The following ACCSL variants were observed in gnomAD, a reference collection of about 807,000 sequenced individuals.
The protein encoded by ACCSL is probable inactive 1-aminocyclopropane-1-carboxylate synthase-like protein 2.
Under a neutral mutation model 61.7 loss-of-function variants are expected in ACCSL, and 55 were observed. The ratio of observed to expected loss-of-function variants is 0.89; its 90% CI spans 0.72 to 1.12. The LOEUF (loss-of-function observed/expected upper bound fraction) is 1.12, where lower values mean the gene tolerates loss of function less well. ACCSL is among the 50% of genes most tolerant of loss of function. The pLI is 0.00. For synonymous variants in ACCSL, 258 were observed against 264.3 expected, an observed-to-expected ratio of 0.98 and a Z score of 0.23; for missense variants, 632 against 698.0, an observed-to-expected ratio of 0.91 and a Z score of 1.07.
the ACCSL span, among the ~76,000 whole-genome samples, chr11:44,013,617 T>C: frequency 6.6e-6 from 1 of 152,232 alleles, no homozygotes; most frequent in African/African-American, 2.4e-5. Flanking sequence ...AATGGTTTTC[T>C]CTGTAAGACA....
At chr11:43,994,775 A>ATGG in the ACCSL span, among the ~76,000 whole-genome samples, 13 of 151,880 alleles carry the variant, frequency 8.6e-5, no homozygotes, top group Non-Finnish European at 1.8e-4. Flanking sequence ...TGGGACTACA[A>ATGG]TGCGCGTGCC....
At chr11:43,965,310 A>G in the ACCSL span, among the ~76,000 whole-genome samples, 1 of 152,252 alleles carries the variant, frequency 6.6e-6, no homozygotes, top group East Asian at 1.9e-4. Flanking sequence ...ATAACAATGA[A>G]CAATCTGAAA....
At chr11:43,978,800 T>A in the ACCSL span, among the ~76,000 whole-genome samples, 1 of 147,662 alleles carries the variant, frequency 6.8e-6, no homozygotes, top group Admixed American at 6.7e-5. Flanking sequence ...TTTTTTTTTT[T>A]TTTTTTTTTT....
At chr11:43,972,722 A>G in the ACCSL span, among the ~76,000 whole-genome samples, 2 of 152,192 alleles carry the variant, frequency 1.3e-5, no homozygotes, top group African/African-American at 4.8e-5. Context: ...ATGTTTACCA[A>G]TAAGGCCAAG....
the ACCSL span, among the ~76,000 whole-genome samples, chr11:43,984,901 G>A: frequency 3.3e-5 from 5 of 152,236 alleles, no homozygotes; most frequent in Non-Finnish European, 5.9e-5. Flanking sequence ...GGGGCTCTTC[G>A]AGGCCACCAG....
At chr11:43,966,297 A>C in the ACCSL span, among the ~76,000 whole-genome samples, 1 of 152,002 alleles carries the variant, frequency 6.6e-6, no homozygotes, top group South Asian at 2.1e-4. Context: ...ATAGTGGTGC[A>C]TGCCTGTAAT....
Position 44,056,299 on chromosome 11 carries a change from A to G in ACCSL, c.1300A>G (p.Lys434Glu), listed in dbSNP as rs1952671380. 5 of 1,614,120 alleles carry G rather than the reference A, an allele frequency of 3.1e-6. No homozygotes were observed. Among genetic ancestry groups the G allele is most frequent in the Non-Finnish European group, 4.2e-6 (5 of 1,180,002 alleles). Residue 434 changes from lysine to glutamate, a missense_variant, in exon 11 of 14, where the codon AAG (lysine) becomes GAG (glutamate). Coordinates refer to ENST00000378832, the MANE Select transcript of ACCSL (RefSeq NM_001031854.2). Reference sequence around the variant, plus strand: ...CAGTATTTCTGGCATCACCCAGCACAAGCTGTGTCAACTGCTCCAGAACAC... The same window carrying G: ...CAGTATTTCTGGCATCACCCAGCACGAGCTGTGTCAACTGCTCCAGAACAC... ...LHSISGITQH[K>E]LCQLLQNTEW...
chr11:44,046,785 G>A (rs904538132), upstream of ACCSL, among the ~76,000 whole-genome samples: 1 of 152,138 alleles, frequency 6.6e-6, no homozygotes, highest in Admixed American at 6.5e-5. Flanking sequence ...TGGGATATAA[G>A]GATTGTCTTA....
At chr11:43,968,282 G>A in the ACCSL span, among the ~76,000 whole-genome samples, 2 of 152,146 alleles carry the variant, frequency 1.3e-5, no homozygotes, top group East Asian at 3.9e-4. Context: ...TTTGAAATCA[G>A]CCACTCCCAA....
At chr11:44,009,065 C>T in the ACCSL span, among the ~76,000 whole-genome samples, 1 of 151,928 alleles carries the variant, frequency 6.6e-6, no homozygotes, top group Non-Finnish European at 1.5e-5. Context: ...CTACCCGGGA[C>T]GCTGAGGTGG....
chr11:44,037,433 A>G, the ACCSL span, among the ~76,000 whole-genome samples: 1 of 152,336 alleles, frequency 6.6e-6, no homozygotes, highest in Admixed American at 6.5e-5. Context: ...GCACGCGCGG[A>G]TGGCGCACTG....
chr11:43,995,468 T>G, the ACCSL span: 1 of 152,254 alleles, frequency 6.6e-6, no homozygotes, highest in Non-Finnish European at 1.5e-5. Flanking sequence ...CTCATGGAAT[T>G]GACTTTCCAG....
the ACCSL span, among the ~76,000 whole-genome samples, chr11:43,959,305 T>A: frequency 6.6e-6 from 1 of 152,162 alleles, no homozygotes; most frequent in Non-Finnish European, 1.5e-5. Context: ...ATCCATGGCC[T>A]GACGTTGACC....
the ACCSL span, among the ~76,000 whole-genome samples, chr11:44,018,419 A>G: frequency 7.4e-4 from 113 of 152,294 alleles, no homozygotes; most frequent in Non-Finnish European, 1.2e-3. Context: ...CTCCTGACCC[A>G]TGAGTCTACA....
chr11:44,016,629 G>C, the ACCSL span, among the ~76,000 whole-genome samples: 1 of 152,104 alleles, frequency 6.6e-6, no homozygotes, highest in Non-Finnish European at 1.5e-5. Flanking sequence ...TGGTCCTCAG[G>C]AATTGAAGGG....
At chr11:43,932,954 C>A in the ACCSL span, 20 of 392,634 alleles carry the variant, frequency 5.1e-5, no homozygotes, top group Admixed American at 3.0e-4. Flanking sequence ...CTGGGCCACA[C>A]AGCTCTAATA....
At chr11:43,954,686 G>A in the ACCSL span, among the ~76,000 whole-genome samples, 2 of 151,954 alleles carry the variant, frequency 1.3e-5, no homozygotes, top group Non-Finnish European at 1.5e-5. Context: ...TCAGGTTCAA[G>A]TGATTCTCCT....
chr11:43,975,075 G>C, the ACCSL span, among the ~76,000 whole-genome samples: 1 of 152,176 alleles, frequency 6.6e-6, no homozygotes, highest in Non-Finnish European at 1.5e-5. Context: ...GGAACTGGGT[G>C]GTGGGCAGAA....
chr11:43,938,339 A>T, the ACCSL span, among the ~76,000 whole-genome samples: 33 of 152,300 alleles, frequency 2.2e-4, no homozygotes, highest in African/African-American at 7.9e-4. Context: ...GGCTTGAGCA[A>T]TCATGGGCTT....
Sources: allele counts gnomAD v4.1 joint callset (sites outside exome capture counted in the v4.1 genomes callset), GRCh38; gene constraint gnomAD v4.1.1; transcripts MANE v1.5; gene names NCBI Gene and HGNC (gene_info 2026-07-23, HGNC 2026-07-21).